Variants in RNLS observed in about 807,000 individuals in gnomAD.
The protein encoded by RNLS is renalase.
A neutral mutation model predicts 39.8 loss-of-function variants in RNLS; 39 were observed. The observed-to-expected ratio is 0.98, with a 90% CI of 0.76 to 1.28. RNLS has a LOEUF of 1.28. RNLS is among the 50% of genes most tolerant of loss of function. RNLS has a pLI of 0.00. For synonymous variants in RNLS, 147 were observed against 150.7 expected, an observed-to-expected ratio of 0.98 and a Z score of 0.18; for missense variants, 410 against 413.3, an observed-to-expected ratio of 0.99 and a Z score of 0.07.
chr10:88,211,425 CT>C, the RNLS span, among the ~76,000 whole-genome samples: 1 of 152,198 alleles, frequency 6.6e-6, no homozygotes, highest in Middle Eastern at 3.2e-3. Context: ...AAATGGAACA[CT>C]AGACATGATC....
chr10:88,319,580 G>GA (rs981569503), intron 5 of RNLS, among the ~76,000 whole-genome samples: 9 of 150,966 alleles, frequency 6.0e-5, no homozygotes, highest in East Asian at 1.9e-4. Context: ...GTCAAAAAAA[G>GA]AAAAAAAACC....
intron 4 of RNLS, among the ~76,000 whole-genome samples, chr10:88,495,302 C>T (rs1396256095): frequency 6.6e-6 from 1 of 152,046 alleles, no homozygotes; most frequent in Non-Finnish European, 1.5e-5. Context: ...GTTGATATGA[C>T]TTGAGAAAAA....
chr10:88,237,617 T>G, the RNLS span, among the ~76,000 whole-genome samples: 1 of 152,218 alleles, frequency 6.6e-6, no homozygotes, highest in Non-Finnish European at 1.5e-5. Context: ...AAAGACTTTC[T>G]AAGACATTTC....
At position 88,518,732 on chromosome 10, in the gene RNLS, C is replaced by T. The variant is rs115280232; in HGVS notation, c.526+54171G>A. 2.1e-3 allele frequency among the ~76,000 whole-genome samples: 324 copies of T among 152,040 alleles called. 1 individual carries two copies. Among genetic ancestry groups the T allele is most frequent in the African/African-American group, 7.3e-3 (304 of 41,512 alleles). On this transcript the variant is annotated intron_variant, in intron 4 of 6. Transcript: ENST00000331772. ...GGAGAAAAGGAACAGTAAGAAGTAA[C>T]GTGGATTGTCCACCTACTATGGGTA... is the stretch of plus-strand genomic sequence containing the variant.
At chr10:88,322,045 C>G (rs1469084604) in intron 5 of RNLS, among the ~76,000 whole-genome samples, 2 of 152,134 alleles carry the variant, frequency 1.3e-5, no homozygotes, top group Non-Finnish European at 2.9e-5. Context: ...CACAAACATT[C>G]TTAATGAAAT....
intron 4 of RNLS, among the ~76,000 whole-genome samples, chr10:88,569,836 T>TA (rs1223416264): frequency 2.0e-5 from 3 of 151,350 alleles, no homozygotes; most frequent in Non-Finnish European, 4.4e-5. Context: ...AAATAAAAGC[T>TA]AAAAAAATAA....
At chr10:88,400,353 C>T (rs1589729680) in intron 4 of RNLS, among the ~76,000 whole-genome samples, 1 of 151,986 alleles carries the variant, frequency 6.6e-6, no homozygotes, top group African/African-American at 2.4e-5. Flanking sequence ...ATTTCCTCCT[C>T]AGATTCTCTG....
intron 4 of RNLS, among the ~76,000 whole-genome samples, chr10:88,441,952 T>TGAGGCA (rs1276027205): frequency 2.0e-5 from 3 of 152,176 alleles, no homozygotes; most frequent in Non-Finnish European, 4.4e-5. Context: ...ATAGTTTCTT[T>TGAGGCA]GAGGCAGAGG....
At chr10:88,255,168 G>A in the RNLS span, among the ~76,000 whole-genome samples, 4 of 152,182 alleles carry the variant, frequency 2.6e-5, no homozygotes, top group South Asian at 2.1e-4. Flanking sequence ...TGATCCAGCC[G>A]TGGTTTATTC....
At chr10:88,581,515 T>C in intron 3 of RNLS, 52 bp downstream of exon 3, 1 of 1,501,724 alleles carries the variant, frequency 6.7e-7, no homozygotes, top group Middle Eastern at 1.8e-4. Context: ...TGTGTGTAAC[T>C]TGTTTTTAAA....
At chr10:88,237,465 T>G in the RNLS span, among the ~76,000 whole-genome samples, 1 of 152,162 alleles carries the variant, frequency 6.6e-6, no homozygotes, top group Non-Finnish European at 1.5e-5. Context: ...AACAAATGTC[T>G]CTGGCAAGCA....
At chr10:88,468,448 C>T (rs560320775) in intron 4 of RNLS, among the ~76,000 whole-genome samples, 1 of 152,188 alleles carries the variant, frequency 6.6e-6, no homozygotes, top group Non-Finnish European at 1.5e-5. Flanking sequence ...GACAACTAGT[C>T]AACATGATTT....
intron 3 of RNLS, among the ~76,000 whole-genome samples, chr10:88,580,297 T>C (rs1009046719): frequency 6.6e-6 from 1 of 152,202 alleles, no homozygotes; most frequent in African/African-American, 2.4e-5. Context: ...ACCATCTATA[T>C]ACTGAATCTC....
intron 5 of RNLS, among the ~76,000 whole-genome samples, chr10:88,315,419 A>T (rs1056596204): frequency 6.6e-6 from 1 of 152,212 alleles, no homozygotes; most frequent in Admixed American, 6.5e-5. Context: ...ATCTTGGAAG[A>T]ATGTTAACAA....
chr10:88,333,859 C>T (rs1425346147), intron 5 of RNLS, among the ~76,000 whole-genome samples: 1 of 152,152 alleles, frequency 6.6e-6, no homozygotes, highest in Non-Finnish European at 1.5e-5. Context: ...CCCCCTTCCA[C>T]TGTGTGAGGA....
At chr10:88,372,651 T>C (rs1232013061) in intron 4 of RNLS, among the ~76,000 whole-genome samples, 1 of 152,178 alleles carries the variant, frequency 6.6e-6, no homozygotes, top group East Asian at 1.9e-4. Flanking sequence ...AGCAACATTA[T>C]TGTAGGCCTA....
At chr10:88,343,441 GA>G in intron 5 of RNLS, 3 of 733,206 alleles carry the variant, frequency 4.1e-6, no homozygotes, top group Non-Finnish European at 5.0e-6. Flanking sequence ...GATGGGGGAG[GA>G]AAAAGTTCAG....
At chr10:88,245,033 T>A in the RNLS span, among the ~76,000 whole-genome samples, 1 of 152,094 alleles carries the variant, frequency 6.6e-6, no homozygotes, top group South Asian at 2.1e-4. Flanking sequence ...TGAAAATAAG[T>A]TCATTTTCCC....
At chr10:88,375,222 GAACA>G (rs1276441103) in intron 4 of RNLS, among the ~76,000 whole-genome samples, 1 of 151,718 alleles carries the variant, frequency 6.6e-6, no homozygotes, top group Non-Finnish European at 1.5e-5. Flanking sequence ...GCTTCAAAGA[GAACA>G]AAAAAACCCC....
Sources: gnomAD v4.1 joint callset for allele counts (sites outside exome capture counted in the v4.1 genomes callset) on GRCh38, gnomAD v4.1.1 for gene constraint, MANE v1.5 for transcripts, NCBI Gene and HGNC (gene_info 2026-07-23, HGNC 2026-07-21) for gene names.